CTNNA3: variants seen among roughly 807,000 people sequenced by gnomAD.
The protein encoded by CTNNA3 is catenin alpha-3.
In CTNNA3, 76 loss-of-function variants were observed where a neutral mutation model predicts 95.7. The observed-to-expected ratio is 0.79, with a 90% CI of 0.66 to 0.96. CTNNA3 has a LOEUF of 0.96. Ranked by LOEUF, CTNNA3 falls within the 40% of genes least tolerant of loss-of-function variation. The pLI, the probability that CTNNA3 is intolerant of heterozygous loss-of-function variation, is 0.00. For synonymous variants in CTNNA3, 431 were observed against 374.4 expected, an observed-to-expected ratio of 1.15 and a Z score of -1.74; for missense variants, 1,191 against 1,089.8, an observed-to-expected ratio of 1.09 and a Z score of -1.31.
At position 66,898,763 on chromosome 10, in the gene CTNNA3, T is replaced by C. The variant is rs74547507; in HGVS notation, c.1048-123239A>G. Among the ~76,000 whole-genome samples, 121 of 151,938 alleles carry C rather than the reference T, an allele frequency of 8.0e-4. 1 individual carries two copies. The highest frequency in any genetic ancestry group is 2.8e-3 in the African/African-American group (114 of 41,438). On this transcript the variant is annotated intron_variant, in intron 7 of 17. Transcript: ENST00000433211. ...GCAATGTAAAACTCCTAGAAGAAAA[T>C]ATAATGGGAAAGTTTCATGACACTG...
At chr10:66,411,020 T>C (rs1357869222) in intron 11 of CTNNA3, among the ~76,000 whole-genome samples, 1 of 152,242 alleles carries the variant, frequency 6.6e-6, no homozygotes, top group Non-Finnish European at 1.5e-5. Context: ...ATTAGATTAA[T>C]TTGAATTTCA....
rs3074377 is a variant in CTNNA3 at position 66,088,485 on chromosome 10, TTGTGTGTGTGTG to T, written c.1977+14660_1977+14671del. Among the ~76,000 whole-genome samples the T allele has an allele frequency of 8.7e-3, 1,220 of 139,620 alleles. 14 individuals are homozygous for T. The highest frequency in any genetic ancestry group is 0.027 in the African/African-American group (1,012 of 37,116). The allele number at this position is 139,620 out of a possible 152,430, so 91.6% of individuals were successfully genotyped here. A position where few individuals can be genotyped will look rare whatever the true frequency, so the allele number is the denominator to read the frequency against. On this transcript the variant is annotated intron_variant, in intron 14 of 17. Coordinates refer to ENST00000433211, the MANE Select transcript of CTNNA3 (RefSeq NM_013266.4). ...ATATTTATGTAGATAGGTAGGTGTT[TTGTGTGTGTGTG>T]TGTGTGTGTGTGTGTGTGTGTGTGT...
intron 5 of CTNNA3, among the ~76,000 whole-genome samples, chr10:67,312,749 C>A (rs1840864846): frequency 6.6e-6 from 1 of 152,054 alleles, no homozygotes; most frequent in Admixed American, 6.6e-5. Context: ...AAATATTTGA[C>A]AAATAGATGG....
intron 9 of CTNNA3, among the ~76,000 whole-genome samples, chr10:66,751,229 C>T (rs1253092572): frequency 2.6e-5 from 4 of 152,052 alleles, no homozygotes; most frequent in African/African-American, 9.7e-5. Flanking sequence ...GATTGTGCCA[C>T]TGCACTGCAA....
chr10:67,006,679 C>A (rs1020609007), intron 7 of CTNNA3, among the ~76,000 whole-genome samples: 6 of 152,084 alleles, frequency 3.9e-5, no homozygotes, highest in Admixed American at 6.6e-5. Flanking sequence ...ATGATGCCAT[C>A]AGCACACTAT....
intron 7 of CTNNA3, among the ~76,000 whole-genome samples, chr10:66,870,928 C>T (rs1252179328): frequency 6.6e-6 from 1 of 152,164 alleles, no homozygotes; most frequent in Non-Finnish European, 1.5e-5. Context: ...AGCTAAAAAA[C>T]CACTATGCAA....
intron 3 of CTNNA3, among the ~76,000 whole-genome samples, chr10:67,562,224 G>C (rs1048473049): frequency 3.3e-5 from 5 of 152,214 alleles, no homozygotes; most frequent in African/African-American, 4.8e-5. Flanking sequence ...GATGAACATT[G>C]ATACAAAAAT....
intron 15 of CTNNA3, among the ~76,000 whole-genome samples, chr10:66,006,044 G>C (rs2078873679): frequency 7.9e-6 from 1 of 125,884 alleles, no homozygotes; most frequent in South Asian, 2.6e-4. Context: ...AGGGAGTCTT[G>C]CTCTGTTGCC....
intron 6 of CTNNA3, among the ~76,000 whole-genome samples, chr10:67,203,321 G>C (rs1299286374): frequency 6.6e-6 from 1 of 152,114 alleles, no homozygotes; most frequent in African/African-American, 2.4e-5. Context: ...CTCTTGCCTG[G>C]CACCATGTAA....
intron 7 of CTNNA3, among the ~76,000 whole-genome samples, chr10:67,173,571 G>C (rs76867368): frequency 0.093 from 14,079 of 152,132 alleles, 751 homozygotes; most frequent in Non-Finnish European, 0.13. Context: ...GTCTGTTCTA[G>C]TGTATATGAT....
intron 3 of CTNNA3, among the ~76,000 whole-genome samples, chr10:67,559,516 T>C (rs1354182647): frequency 6.6e-6 from 1 of 151,842 alleles, no homozygotes; most frequent in East Asian, 1.9e-4. Context: ...AGACCAAAAG[T>C]AGATAAAACC....
intron 9 of CTNNA3, among the ~76,000 whole-genome samples, chr10:66,630,841 T>C (rs1040078223): frequency 3.9e-5 from 6 of 152,122 alleles, no homozygotes; most frequent in African/African-American, 1.4e-4. Context: ...ACATAGCAAA[T>C]TGCAGGGAAA....
rs1040134619 is a variant in CTNNA3, at chr10:66,379,030, G to A, written c.1732+122C>T. On this transcript the variant is annotated intron_variant, in intron 12 of 17. Coordinates refer to ENST00000433211, the MANE Select transcript of CTNNA3 (RefSeq NM_013266.4). ...CGCATAACCAAAGTGTGCAAGCACTGTATAGCAATGTATGTCAAAAGAAGC... is the reference window on the plus strand; with the variant it reads ...CGCATAACCAAAGTGTGCAAGCACTATATAGCAATGTATGTCAAAAGAAGC... 4.2e-5 allele frequency: 33 copies of A among 789,206 alleles called. No individual in the cohort carries two copies. The Admixed American group carries it at 6.7e-4, about 16-fold the overall frequency. 48.9% of individuals were successfully genotyped at this position (789,206 alleles called of 1,614,324 possible).
rs183832408 is a variant in CTNNA3, at chr10:67,643,152, C to A, written c.99+4263G>T. Among the ~76,000 whole-genome samples the A allele has an allele frequency of 5.7e-3, 868 of 152,204 alleles. 3 individuals are homozygous for A. The highest frequency in any genetic ancestry group is 8.2e-3 in the Non-Finnish European group (561 of 68,016). On this transcript the variant is annotated intron_variant, in intron 2 of 17. Coordinates refer to ENST00000433211, the MANE Select transcript of CTNNA3 (RefSeq NM_013266.4). ...AATACTATGCAGTCATAAAAAAGAA[C>A]AAGTTCACGTCCTTTGTAGGGACAT...
At chr10:66,332,085 G>T (rs1318438722) in intron 12 of CTNNA3, among the ~76,000 whole-genome samples, 1 of 151,652 alleles carries the variant, frequency 6.6e-6, no homozygotes, top group Non-Finnish European at 1.5e-5. Flanking sequence ...TGATTTTTGC[G>T]CATTGATTTT....
chr10:65,966,533 G>C, intron 17 of CTNNA3, 79 bp downstream of exon 17: 1 of 1,179,904 alleles, frequency 8.5e-7, no homozygotes, highest in Non-Finnish European at 1.1e-6. Flanking sequence ...TAAAAGATTT[G>C]GTCATGTAAA....
chr10:67,473,286 T>C (rs529516694), intron 5 of CTNNA3, among the ~76,000 whole-genome samples: 1 of 152,294 alleles, frequency 6.6e-6, no homozygotes, highest in Non-Finnish European at 1.5e-5. Flanking sequence ...CTTTACACTC[T>C]CAGGACACCT....
At chr10:66,346,861 T>C (rs2092525616) in intron 12 of CTNNA3, among the ~76,000 whole-genome samples, 1 of 151,990 alleles carries the variant, frequency 6.6e-6, no homozygotes, top group South Asian at 2.1e-4. Flanking sequence ...ACATTGGGCA[T>C]CTAGACTTGA....
chr10:67,010,943 T>A (rs925779613), intron 7 of CTNNA3, among the ~76,000 whole-genome samples: 3 of 152,188 alleles, frequency 2.0e-5, no homozygotes, highest in Non-Finnish European at 4.4e-5. Flanking sequence ...ACATTTACCA[T>A]GAATCTTAGA....
Sources: gnomAD v4.1 joint callset for allele counts (sites outside exome capture counted in the v4.1 genomes callset) on GRCh38, gnomAD v4.1.1 for gene constraint, MANE v1.5 for transcripts, NCBI Gene and HGNC (gene_info 2026-07-23, HGNC 2026-07-21) for gene names.